The following FSTL4 variants were observed in gnomAD, a reference collection of about 807,000 sequenced individuals.
FSTL4 encodes the protein follistatin like 4.
A neutral mutation model predicts 78.2 loss-of-function variants in FSTL4; 28 were observed. The ratio of observed to expected loss-of-function variants is 0.36; its 90% CI spans 0.27 to 0.49. FSTL4 has a LOEUF of 0.49. Ranked by LOEUF, FSTL4 falls within the 20% of genes least tolerant of loss-of-function variation. The pLI is 0.98. For synonymous variants in FSTL4, 422 were observed against 440.5 expected, an observed-to-expected ratio of 0.96 and a Z score of 0.53; for missense variants, 922 against 1,084.9, an observed-to-expected ratio of 0.85 and a Z score of 2.11.
intron 3 of FSTL4, among the ~76,000 whole-genome samples, chr5:133,448,742 G>GGC (rs1554115252): frequency 6.8e-6 from 1 of 146,750 alleles, no homozygotes; most frequent in Admixed American, 6.8e-5. Flanking sequence ...GCGGGGGCGG[G>GGC]GGGGGGGGGC....
At chr5:133,385,281 T>C (rs1362988968) in intron 4 of FSTL4, among the ~76,000 whole-genome samples, 1 of 152,242 alleles carries the variant, frequency 6.6e-6, no homozygotes, top group South Asian at 2.1e-4. Flanking sequence ...GATCTTTCTA[T>C]GAAATCGTGA....
the FSTL4 span, among the ~76,000 whole-genome samples, chr5:133,620,074 T>C: frequency 6.6e-6 from 1 of 152,342 alleles, no homozygotes; most frequent in African/African-American, 2.4e-5. Flanking sequence ...TGCTAAAAAA[T>C]GATGTCATAT....
intron 3 of FSTL4, among the ~76,000 whole-genome samples, chr5:133,467,868 C>T (rs774245120): frequency 2.0e-5 from 3 of 152,202 alleles, no homozygotes; most frequent in South Asian, 4.1e-4. Flanking sequence ...ACATTGCAGA[C>T]GTTTTTCTAC....
chr5:133,814,056 G>A, the FSTL4 span, among the ~76,000 whole-genome samples: 1 of 152,238 alleles, frequency 6.6e-6, no homozygotes, highest in African/African-American at 2.4e-5. Flanking sequence ...CGGGGGCTGG[G>A]AAACCAGGGA....
the FSTL4 span, among the ~76,000 whole-genome samples, chr5:133,634,393 T>TC: frequency 1.2e-5 from 1 of 81,396 alleles, no homozygotes; most frequent in Non-Finnish European, 3.2e-5. Context: ...TCTCTCTCTC[T>TC]TTTTTTTTTT....
At chr5:133,284,669 C>T (rs1753088775) in intron 6 of FSTL4, among the ~76,000 whole-genome samples, 1 of 152,210 alleles carries the variant, frequency 6.6e-6, no homozygotes. Flanking sequence ...GGGCAACCCT[C>T]CTGGAGAAGA....
At chr5:133,684,213 G>T in the FSTL4 span, among the ~76,000 whole-genome samples, 1 of 152,238 alleles carries the variant, frequency 6.6e-6, no homozygotes, top group Non-Finnish European at 1.5e-5. Context: ...AAAGTGACGG[G>T]TAAGCAAAAG....
chr5:133,314,477 G>C (rs1467295413), intron 5 of FSTL4, among the ~76,000 whole-genome samples: 1 of 152,148 alleles, frequency 6.6e-6, no homozygotes, highest in Non-Finnish European at 1.5e-5. Flanking sequence ...GGACTGGCTG[G>C]GACGGAGGGC....
At chr5:133,536,226 T>C (rs1434117256) in intron 3 of FSTL4, among the ~76,000 whole-genome samples, 1 of 152,228 alleles carries the variant, frequency 6.6e-6, no homozygotes, top group African/African-American at 2.4e-5. Context: ...AGAAAAATTA[T>C]TCCAACTGAC....
chr5:133,441,894 C>T lies in FSTL4; in HGVS notation c.161-40908G>A, dbSNP rs139153508. Among the ~76,000 whole-genome samples the T allele has an allele frequency of 2.3e-3, 357 of 152,340 alleles. 1 individual carries two copies. Among genetic ancestry groups the T allele is most frequent in the Non-Finnish European group, 4.0e-3 (269 of 68,020 alleles). On this transcript the variant is annotated intron_variant, in intron 3 of 15. Coordinates refer to ENST00000265342, the MANE Select transcript of FSTL4 (RefSeq NM_015082.2). ...AGGGCCTGGGACAAGTGGATGTTCACTGGTGGAGCTCTTTTCATGCCTCTG... is the reference window on the plus strand; with the variant it reads ...AGGGCCTGGGACAAGTGGATGTTCATTGGTGGAGCTCTTTTCATGCCTCTG...
At chr5:133,788,620 G>GCT in the FSTL4 span, among the ~76,000 whole-genome samples, 1 of 152,326 alleles carries the variant, frequency 6.6e-6, no homozygotes, top group African/African-American at 2.4e-5. Context: ...AGATGGATTT[G>GCT]CTCTCTCTCG....
the FSTL4 span, among the ~76,000 whole-genome samples, chr5:133,769,743 T>A: frequency 6.7e-6 from 1 of 150,170 alleles, no homozygotes; most frequent in Non-Finnish European, 1.5e-5. Flanking sequence ...CAAGTACAGA[T>A]TTTTTATATA....
intron 3 of FSTL4, among the ~76,000 whole-genome samples, chr5:133,516,255 A>T (rs897391263): frequency 3.3e-5 from 5 of 152,202 alleles, no homozygotes; most frequent in African/African-American, 1.2e-4. Flanking sequence ...GTCAAAAAAC[A>T]TTGAAAAGAA....
chr5:133,249,451 T>C lies in FSTL4; in HGVS notation c.853A>G (p.Asn285Asp), dbSNP rs1233024021. The stretch of plus-strand genomic sequence containing the variant: ...TCCAGGAAGTTCAGGGTGAGCCCGT[T>C]GCGCTTCCAGATGATTGGTGGCCTC... ...DLRPPIIWKRNGLTLNFLDLE... is the reference protein window; with the variant it reads ...DLRPPIIWKRDGLTLNFLDLE... The change falls in exon 7 of 16, where the codon AAC becomes GAC. Residue 285 changes from asparagine (N) to aspartate (D), a missense_variant. By Grantham distance (23) the Asn-to-Asp change is conservative. Coordinates refer to ENST00000265342, the MANE Select transcript of FSTL4 (RefSeq NM_015082.2). The C allele has an allele frequency of 6.2e-7, 1 of 1,614,062 alleles. No homozygotes were observed. The highest frequency in any genetic ancestry group is 8.5e-7 in the Non-Finnish European group (1 of 1,179,958).
At chr5:133,473,559 G>A (rs979833822) in intron 3 of FSTL4, among the ~76,000 whole-genome samples, 4 of 152,172 alleles carry the variant, frequency 2.6e-5, no homozygotes, top group African/African-American at 7.2e-5. Context: ...CTCTGCCTCC[G>A]CGTCAACACA....
the FSTL4 span, among the ~76,000 whole-genome samples, chr5:133,639,379 G>A: frequency 6.6e-6 from 1 of 152,158 alleles, no homozygotes; most frequent in African/African-American, 2.4e-5. Flanking sequence ...TTCAGAAAAG[G>A]GGGGTCTGTG....
chr5:133,533,927 A>C (rs2112911648), intron 3 of FSTL4, among the ~76,000 whole-genome samples: 1 of 152,210 alleles, frequency 6.6e-6, no homozygotes, highest in East Asian at 1.9e-4. Context: ...CTCCTCCTGC[A>C]GTGCTCCTCA....
chr5:133,333,030 T>C (rs1358871537), intron 4 of FSTL4, among the ~76,000 whole-genome samples: 1 of 152,222 alleles, frequency 6.6e-6, no homozygotes, highest in East Asian at 1.9e-4. Context: ...TCTGTCTCTC[T>C]CTCATGCACA....
intron 8 of FSTL4, among the ~76,000 whole-genome samples, chr5:133,230,577 T>C (rs1751463745): frequency 6.6e-6 from 1 of 152,192 alleles, no homozygotes; most frequent in African/African-American, 2.4e-5. Context: ...CTTGAGGTTT[T>C]TTTGAGCCAA....
Sources: allele counts gnomAD v4.1 joint callset (sites outside exome capture counted in the v4.1 genomes callset), GRCh38; gene constraint gnomAD v4.1.1; transcripts MANE v1.5; gene names NCBI Gene and HGNC (gene_info 2026-07-23, HGNC 2026-07-21).